The following DCC variants were observed in gnomAD, a reference collection of about 807,000 sequenced individuals.
DCC encodes DCC netrin 1 receptor.
DCC carries 58 observed loss-of-function variants against 172.5 expected under a neutral mutation model. That is an observed-to-expected ratio of 0.34 (90% CI 0.27 to 0.42). The LOEUF is 0.42. Ranked by LOEUF, DCC falls within the 10% of genes least tolerant of loss-of-function variation. The probability of loss-of-function intolerance (pLI) is 1.00; values close to 1 mark genes in which losing one functional copy is unlikely to be tolerated. For synonymous variants in DCC, 709 were observed against 644.5 expected, an observed-to-expected ratio of 1.10 and a Z score of -1.52; for missense variants, 1,740 against 1,791.0, an observed-to-expected ratio of 0.97 and a Z score of 0.51.
intron 7 of DCC, among the ~76,000 whole-genome samples, chr18:53,069,427 A>G (rs1169800279): frequency 6.6e-6 from 1 of 152,088 alleles, no homozygotes; most frequent in South Asian, 2.1e-4. Flanking sequence ...TCTTGAAAGG[A>G]CTTTTCCCAA....
intron 1 of DCC, among the ~76,000 whole-genome samples, chr18:52,535,273 C>G (rs1433601191): frequency 6.6e-6 from 1 of 152,160 alleles, no homozygotes; most frequent in East Asian, 1.9e-4. Context: ...TTGCCTTTGT[C>G]CTGAATCTGC....
At chr18:53,398,278 C>A (rs1187284324) in intron 18 of DCC, among the ~76,000 whole-genome samples, 1 of 152,076 alleles carries the variant, frequency 6.6e-6, no homozygotes, top group Non-Finnish European at 1.5e-5. Flanking sequence ...CATGGGATTG[C>A]AGTTCTAATT....
intron 12 of DCC, among the ~76,000 whole-genome samples, chr18:53,250,139 G>C (rs1225421181): frequency 6.6e-6 from 1 of 151,834 alleles, no homozygotes; most frequent in Non-Finnish European, 1.5e-5. Flanking sequence ...TTAAAATGGG[G>C]TGGAGTTGAA....
chr18:52,927,151 A>ATACGTGTG (rs2040227604), intron 5 of DCC, among the ~76,000 whole-genome samples: 4 of 60,270 alleles, frequency 6.6e-5, no homozygotes, highest in Admixed American at 1.6e-4. Flanking sequence ...ATATATGTGT[A>ATACGTGTG]TATATACGTA....
intron 7 of DCC, among the ~76,000 whole-genome samples, chr18:53,069,999 A>G (rs542114635): frequency 1.6e-4 from 21 of 133,258 alleles, no homozygotes; most frequent in Middle Eastern, 4.5e-3. Flanking sequence ...TTTTTTTTTG[A>G]GACAGAATCT....
At chr18:53,055,631 T>C (rs1488871609) in intron 5 of DCC, among the ~76,000 whole-genome samples, 1 of 152,144 alleles carries the variant, frequency 6.6e-6, no homozygotes, top group Non-Finnish European at 1.5e-5. Context: ...TTAGACAGTA[T>C]AGTCAGGTAT....
chr18:52,888,460 T>A (rs1464704868), intron 2 of DCC, among the ~76,000 whole-genome samples: 1 of 152,148 alleles, frequency 6.6e-6, no homozygotes, highest in Non-Finnish European at 1.5e-5. Context: ...TATTAAAAAA[T>A]CTGTTATGGA....
At chr18:52,621,400 G>T (rs571036172) in intron 1 of DCC, among the ~76,000 whole-genome samples, 1 of 152,168 alleles carries the variant, frequency 6.6e-6, no homozygotes, top group Non-Finnish European at 1.5e-5. Context: ...CTATGGCAAA[G>T]TTTGGGTCTC....
chr18:52,657,727 C>A (rs190528811), intron 1 of DCC, among the ~76,000 whole-genome samples: 284 of 152,290 alleles, frequency 1.9e-3, no homozygotes, highest in Non-Finnish European at 3.2e-3. Flanking sequence ...TATGTCTATA[C>A]ACCTATTTCT....
intron 2 of DCC, among the ~76,000 whole-genome samples, chr18:52,838,122 C>G (rs372699950): frequency 6.6e-6 from 1 of 152,248 alleles, no homozygotes; most frequent in Non-Finnish European, 1.5e-5. Context: ...TGGGTGAGGA[C>G]GCAGCCAAAC....
At chr18:52,996,802 G>C (rs1440112999) in intron 5 of DCC, among the ~76,000 whole-genome samples, 3 of 112,510 alleles carry the variant, frequency 2.7e-5, no homozygotes, top group African/African-American at 6.7e-5. Flanking sequence ...GCCTCTCTCT[G>C]AAGTTAGAAA....
At chr18:53,343,452 CATTG>C (rs1169097395) in intron 15 of DCC, among the ~76,000 whole-genome samples, 2 of 151,554 alleles carry the variant, frequency 1.3e-5, no homozygotes, top group African/African-American at 4.8e-5. Context: ...CGGTGAATTA[CATTG>C]ATTGATTTTT....
chr18:52,613,961 A>G (rs759062125), intron 1 of DCC, among the ~76,000 whole-genome samples: 50 of 152,302 alleles, frequency 3.3e-4, no homozygotes, highest in Non-Finnish European at 6.6e-4. Flanking sequence ...TTAGGATAGA[A>G]ATGTTGGGAA....
At chr18:52,947,179 T>TTAAG (rs2040561367) in intron 5 of DCC, among the ~76,000 whole-genome samples, 2 of 152,154 alleles carry the variant, frequency 1.3e-5, no homozygotes, top group Admixed American at 1.3e-4. Flanking sequence ...TAATATATAA[T>TTAAG]TAAGCTATCC....
chr18:53,315,166 A>T (rs895943551), intron 13 of DCC, among the ~76,000 whole-genome samples: 3 of 151,964 alleles, frequency 2.0e-5, no homozygotes, highest in African/African-American at 7.2e-5. Flanking sequence ...CTCTGTGTCA[A>T]TGTGTTCTCA....
At chr18:53,290,125 G>A (rs1354720423) in intron 12 of DCC, among the ~76,000 whole-genome samples, 1 of 152,134 alleles carries the variant, frequency 6.6e-6, no homozygotes, top group Non-Finnish European at 1.5e-5. Context: ...TTATGGTTTG[G>A]ATGTAAAGTG....
At chr18:52,799,078 A>C (rs2037932950) in intron 2 of DCC, among the ~76,000 whole-genome samples, 1 of 152,224 alleles carries the variant, frequency 6.6e-6, no homozygotes, top group African/African-American at 2.4e-5. Flanking sequence ...GTTTGAAATA[A>C]AACAGGAACT....
chr18:53,031,099 A>C (rs953304311), intron 5 of DCC, among the ~76,000 whole-genome samples: 1 of 152,130 alleles, frequency 6.6e-6, no homozygotes, highest in African/African-American at 2.4e-5. Context: ...TTTCTACTAA[A>C]AATACAAAAA....
At position 52,657,804 on chromosome 18, in the gene DCC, A is replaced by G. The variant is rs566493781; in HGVS notation, c.92-94250A>G. On this transcript the variant is annotated intron_variant, in intron 1 of 28. Transcript: ENST00000442544. The stretch of plus-strand genomic sequence containing the variant: ...CTCCCTCTTTTTCCTTAGTGCTAGC[A>G]TTTTACTAGGCTCATAAATATTATG... 3.3e-5 allele frequency among the ~76,000 whole-genome samples: 5 copies of G among 152,270 alleles called. No individual in the cohort carries two copies. In the South Asian group the frequency reaches 8.3e-4, roughly 25 times the overall value.
Sources: allele counts gnomAD v4.1 joint callset (sites outside exome capture counted in the v4.1 genomes callset), GRCh38; gene constraint gnomAD v4.1.1; transcripts MANE v1.5; gene names NCBI Gene and HGNC (gene_info 2026-07-23, HGNC 2026-07-21).